CSGALNACT2: variants seen among roughly 807,000 people sequenced by gnomAD.
CSGALNACT2 encodes the protein chondroitin sulfate N-acetylgalactosaminyltransferase 2, also known as beta 4 GalNAcT-2.
A neutral mutation model predicts 55.3 loss-of-function variants in CSGALNACT2; 35 were observed. The ratio of observed to expected loss-of-function variants is 0.63; its 90% CI spans 0.48 to 0.84. The LOEUF is 0.84. Among genes scored for constraint, CSGALNACT2 ranks in the 40% least tolerant of loss-of-function variants. The pLI is 0.00. For synonymous variants in CSGALNACT2, 196 were observed against 224.9 expected (o/e 0.87, Z 1.15); for missense variants, 544 against 657.5 (o/e 0.83, Z 1.89).
chr10:43,141,648 AAAAG>A (rs1838627894), intron 1 of CSGALNACT2, among the ~76,000 whole-genome samples: 2 of 151,298 alleles, frequency 1.3e-5, no homozygotes, highest in African/African-American at 4.9e-5. Flanking sequence ...AAAAAAAAAA[AAAAG>A]AAAGTGGGAA....
At chr10:43,160,726 G>A (rs1180346065) in intron 4 of CSGALNACT2, 131 bp downstream of exon 4, 3 of 629,076 alleles carry the variant, frequency 4.8e-6, no homozygotes, top group South Asian at 1.8e-5. Flanking sequence ...GGCGGTGGTG[G>A]TGATGATAAG....
chr10:43,168,267 A>T (rs1008098445), intron 6 of CSGALNACT2, among the ~76,000 whole-genome samples: 1 of 152,152 alleles, frequency 6.6e-6, no homozygotes, highest in Non-Finnish European at 1.5e-5. Context: ...CATGGCCAAT[A>T]TGGTGAAACC....
chr10:43,167,786 C>T (rs1467545571), intron 6 of CSGALNACT2, among the ~76,000 whole-genome samples: 4 of 151,890 alleles, frequency 2.6e-5, no homozygotes, highest in African/African-American at 9.7e-5. Context: ...GTTTCAGAAT[C>T]GAGTCGAGAA....
At position 43,167,578 on chromosome 10, in the gene CSGALNACT2, TAAAC is replaced by T. The variant is rs1839294184; in HGVS notation, c.1254+482_1254+485del. 4.6e-5 allele frequency among the ~76,000 whole-genome samples: 7 copies of T among 152,272 alleles called. No individual in the cohort carries two copies. In the South Asian group the frequency reaches 1.4e-3, roughly 32 times the overall value. ...ATGTAAGTTTTTTAAAATTTTTAAA[TAAAC>T]ATTATTTTATAATAATTTAGATTTA... On this transcript the variant is annotated intron_variant, in intron 6 of 7. Transcript: ENST00000374466.
intron 4 of CSGALNACT2, among the ~76,000 whole-genome samples, chr10:43,161,080 A>G (rs1839137990): frequency 6.6e-6 from 1 of 152,192 alleles, no homozygotes; most frequent in East Asian, 1.9e-4. Flanking sequence ...ACAGTAGTTC[A>G]TAGCTAAGCA....
At chr10:43,161,497 C>T (rs1274802297) in intron 4 of CSGALNACT2, among the ~76,000 whole-genome samples, 1 of 152,224 alleles carries the variant, frequency 6.6e-6, no homozygotes, top group Admixed American at 6.5e-5. Flanking sequence ...AATCATTCAA[C>T]TCACATTCAT....
chr10:43,182,367 T>A (rs1484497235), intron 7 of CSGALNACT2, among the ~76,000 whole-genome samples: 1 of 152,194 alleles, frequency 6.6e-6, no homozygotes, highest in Admixed American at 6.5e-5. Context: ...TTTCCTGACT[T>A]AACTTTCTTT....
chr10:43,147,782 C>CTTTTTT (rs372639057), intron 1 of CSGALNACT2, among the ~76,000 whole-genome samples: 23 of 108,076 alleles, frequency 2.1e-4, no homozygotes, highest in East Asian at 6.4e-4. Flanking sequence ...GTCGAGTTAT[C>CTTTTTT]TTTTTTTTTT....
In CSGALNACT2 at chr10:43,155,766, C is replaced by T. The variant is rs199917944; in HGVS notation, c.617C>T (p.Pro206Leu). 1 of 1,612,194 alleles carries T rather than the reference C, an allele frequency of 6.2e-7. No individual in the cohort carries two copies. The highest frequency in any genetic ancestry group is 1.7e-5 in the Admixed American group (1 of 59,652). ...GATGAACAAGAAGATGAGGAGGGTCCCCTTGGAGAGAAACTGATATTTAAT... is the reference window on the plus strand; with the variant it reads ...GATGAACAAGAAGATGAGGAGGGTCTCCTTGGAGAGAAACTGATATTTAAT... ...EDDEQEDEEG[P>L]LGEKLIFNEN... The change falls in exon 2 of 8, where the codon CCC (proline) becomes CTC (leucine). Residue 206 changes from proline to leucine, a missense_variant. Physicochemically the swap from Pro to Leu is moderately conservative, Grantham distance 98 (BLOSUM62 -3). Transcript: ENST00000374466.
At chr10:43,138,865 G>A (rs1432679232) in intron 1 of CSGALNACT2, among the ~76,000 whole-genome samples, 2 of 152,220 alleles carry the variant, frequency 1.3e-5, no homozygotes, top group Admixed American at 6.5e-5. Context: ...TTTTTAATCA[G>A]TGGTGACCTC....
chr10:43,152,636 T>TGG (rs1838900497), intron 1 of CSGALNACT2, among the ~76,000 whole-genome samples: 4 of 152,206 alleles, frequency 2.6e-5, no homozygotes, highest in African/African-American at 9.7e-5. Flanking sequence ...TTATAGCTCA[T>TGG]AGTCTAAAAT....
At chr10:43,158,988 C>T (rs1033396009) in intron 3 of CSGALNACT2, 57 bp downstream of exon 3, 16 of 974,750 alleles carry the variant, frequency 1.6e-5, no homozygotes, top group Non-Finnish European at 2.4e-5. Flanking sequence ...TCACGTTTTA[C>T]TCAGATTTCC....
intron 1 of CSGALNACT2, among the ~76,000 whole-genome samples, chr10:43,147,971 C>G (rs1027132942): frequency 2.6e-5 from 4 of 151,900 alleles, no homozygotes; most frequent in Admixed American, 6.6e-5. Context: ...GTTGCCTGAT[C>G]CAAGGTCACA....
chr10:43,178,122 C>T (rs1437350458), intron 7 of CSGALNACT2, among the ~76,000 whole-genome samples: 2 of 152,118 alleles, frequency 1.3e-5, no homozygotes, highest in Non-Finnish European at 2.9e-5. Context: ...TCTTGGGCTT[C>T]TTGAATATGT....
At chr10:43,161,469 G>C (rs955940973) in intron 4 of CSGALNACT2, among the ~76,000 whole-genome samples, 1 of 152,170 alleles carries the variant, frequency 6.6e-6, no homozygotes. Flanking sequence ...GCCCAGATTT[G>C]ATCAGCCATT....
At chr10:43,177,381 C>G (rs1479333059) in intron 7 of CSGALNACT2, among the ~76,000 whole-genome samples, 1 of 152,092 alleles carries the variant, frequency 6.6e-6, no homozygotes, top group Admixed American at 6.6e-5. Flanking sequence ...CATTTCACCC[C>G]AAAAAGAAAT....
chr10:43,155,928 A>G, intron 2 of CSGALNACT2, 118 bp downstream of exon 2: 1 of 896,794 alleles, frequency 1.1e-6, no homozygotes, highest in South Asian at 1.9e-5. Context: ...ATTGTAGACA[A>G]ATGTTAGTAA....
chr10:43,183,874 C>T lies in CSGALNACT2; in HGVS notation c.*332C>T, dbSNP rs1381376962. The T allele has an allele frequency of 1.2e-5, 4 of 321,076 alleles. No homozygotes were observed. Among genetic ancestry groups the T allele is most frequent in the East Asian group, 1.5e-4 (2 of 13,764 alleles). The allele number at this position is 321,076 out of a possible 1,614,324, so 19.9% of individuals were successfully genotyped here. Reference sequence around the variant, plus strand: ...GTGTCCTGATTGCATCTAGGTGGAGCGGATGGAATGTGCTGGGCCACTGTT... The same window carrying T: ...GTGTCCTGATTGCATCTAGGTGGAGTGGATGGAATGTGCTGGGCCACTGTT... On this transcript the variant is annotated 3_prime_UTR_variant, in exon 8 of 8. Transcript: ENST00000374466.
At chr10:43,140,020 C>T (rs2133082537) in intron 1 of CSGALNACT2, among the ~76,000 whole-genome samples, 1 of 152,094 alleles carries the variant, frequency 6.6e-6, no homozygotes, top group African/African-American at 2.4e-5. Context: ...ATGGTGAAAC[C>T]GCATCTCTAC....
Sources: gnomAD v4.1 joint callset for allele counts (sites outside exome capture counted in the v4.1 genomes callset) on GRCh38, gnomAD v4.1.1 for gene constraint, MANE v1.5 for transcripts, NCBI Gene and HGNC (gene_info 2026-07-23, HGNC 2026-07-21) for gene names.